The following CLIP1 variants were observed in gnomAD, a reference collection of about 807,000 sequenced individuals.
The protein encoded by CLIP1 is CAP-Gly domain-containing linker protein 1.
CLIP1 carries 66 observed loss-of-function variants against 161.6 expected under a neutral mutation model. That is an observed-to-expected ratio of 0.41 (90% CI 0.33 to 0.50). The LOEUF (loss-of-function observed/expected upper bound fraction) is 0.50. Ranked by LOEUF, CLIP1 falls within the 20% of genes least tolerant of loss-of-function variation. The pLI is 0.27. For synonymous variants in CLIP1, 598 were observed against 626.2 expected (o/e 0.96, Z 0.67); for missense variants, 1,376 against 1,702.0 (o/e 0.81, Z 3.37).
At chr12:122,278,674 C>A in intron 23 of CLIP1, 118 bp downstream of exon 23, 1 of 1,078,736 alleles carries the variant, frequency 9.3e-7, no homozygotes, top group Non-Finnish European at 1.3e-6. Context: ...GGTGGAAGAG[C>A]TAAGGAGAGT....
chr12:122,396,547 A>G (rs959753216), intron 1 of CLIP1: 3 of 152,134 alleles, frequency 2.0e-5, no homozygotes, highest in Non-Finnish European at 4.4e-5. Context: ...GTCTATAGAA[A>G]TTTTATTTAA....
intron 3 of CLIP1, among the ~76,000 whole-genome samples, chr12:122,367,723 G>C (rs1469029816): frequency 6.6e-6 from 1 of 152,080 alleles, no homozygotes; most frequent in Non-Finnish European, 1.5e-5. Context: ...TTTCAATATT[G>C]AAACAAAAAA....
At chr12:122,417,674 G>A (rs1327855373) in intron 1 of CLIP1, among the ~76,000 whole-genome samples, 2 of 151,816 alleles carry the variant, frequency 1.3e-5, no homozygotes, top group East Asian at 3.9e-4. Flanking sequence ...CACCAAGCCT[G>A]GCTAATTTTT....
intron 20 of CLIP1, among the ~76,000 whole-genome samples, chr12:122,305,431 T>C (rs1350788156): frequency 6.6e-6 from 1 of 152,182 alleles, no homozygotes; most frequent in Non-Finnish European, 1.5e-5. Context: ...ACTCTGTCTC[T>C]TAAAAAAGAA....
chr12:122,336,484 AAT>A (rs1952229015), intron 12 of CLIP1, 146 bp downstream of exon 12: 1 of 583,068 alleles, frequency 1.7e-6, no homozygotes, highest in Admixed American at 2.9e-5. Flanking sequence ...CTCAAAGGAC[AAT>A]ATTTATCAGC....
chr12:122,369,796 G>C (rs1259707108), intron 3 of CLIP1, among the ~76,000 whole-genome samples: 1 of 151,570 alleles, frequency 6.6e-6, no homozygotes, highest in Admixed American at 6.6e-5. Flanking sequence ...GTGACCACGA[G>C]GCACCGGGCA....
intron 4 of CLIP1, among the ~76,000 whole-genome samples, chr12:122,363,716 A>G (rs1408227041): frequency 2.0e-5 from 3 of 151,982 alleles, no homozygotes; most frequent in African/African-American, 7.3e-5. Flanking sequence ...AGCCAGACAG[A>G]TAACATGGTA....
chr12:122,396,866 C>T (rs1206862490), intron 1 of CLIP1, among the ~76,000 whole-genome samples: 1 of 151,268 alleles, frequency 6.6e-6, no homozygotes, highest in Non-Finnish European at 1.5e-5. Flanking sequence ...TCCCAGACTC[C>T]AGCCATCCTT....
intron 1 of CLIP1, among the ~76,000 whole-genome samples, chr12:122,420,156 A>G (rs1299590552): frequency 1.3e-5 from 2 of 151,734 alleles, no homozygotes; most frequent in African/African-American, 2.4e-5. Flanking sequence ...TGGCTGGCCA[A>G]CGTGATGAAA....
chr12:122,383,753 T>C (rs1470558149), intron 1 of CLIP1, among the ~76,000 whole-genome samples: 2 of 152,076 alleles, frequency 1.3e-5, no homozygotes, highest in African/African-American at 4.8e-5. Flanking sequence ...ACCCACAACA[T>C]GCAGTGATCA....
At chr12:122,278,663 TG>T in intron 23 of CLIP1, 128 bp downstream of exon 23, 1 of 953,158 alleles carries the variant, frequency 1.0e-6, no homozygotes, top group Non-Finnish European at 1.5e-6. Flanking sequence ...ATTGATTAAG[TG>T]GTGGAAGAGC....
chr12:122,295,536 C>G lies in CLIP1; in HGVS notation c.3595-6995G>C, dbSNP rs530075399. Among the ~76,000 whole-genome samples the G allele has an allele frequency of 2.2e-4, 34 of 152,286 alleles. No individual in the cohort carries two copies. In the South Asian group the frequency reaches 7.0e-3, roughly 32 times the overall value. On this transcript the variant is annotated intron_variant, in intron 20 of 25. Coordinates refer to ENST00000620786, the MANE Select transcript of CLIP1 (RefSeq NM_001247997.2). ...ATCATTTTATGGTCTAACACATAACCTGTCCTGGAGAATGCTCCCTGTGCA... is the reference window on the plus strand; with the variant it reads ...ATCATTTTATGGTCTAACACATAACGTGTCCTGGAGAATGCTCCCTGTGCA...
rs377355291 is a variant in CLIP1, at chr12:122,341,715, A to G, written c.1507-18T>C. 33 of 1,293,586 alleles carry G rather than the reference A, an allele frequency of 2.6e-5. No individual in the cohort carries two copies. Among genetic ancestry groups the G allele is most frequent in the Non-Finnish European group, 3.2e-5 (31 of 966,644 alleles). The allele number at this position is 1,293,586 out of a possible 1,614,324, so 80.1% of individuals were successfully genotyped here. On this transcript the variant is annotated intron_variant, in intron 10 of 25. Transcript: ENST00000620786. ...GTAGCCACCTATTAACAGCAGTCCA[A>G]AGAAAAAAAGATCATTTAAATAACA...
At chr12:122,419,805 G>A (rs957951897) in intron 1 of CLIP1, among the ~76,000 whole-genome samples, 1 of 151,352 alleles carries the variant, frequency 6.6e-6, no homozygotes, top group Non-Finnish European at 1.5e-5. Context: ...GTGCCGTGGT[G>A]TGTGCCTGTA....
At chr12:122,330,300 A>C (rs1951889625) in intron 15 of CLIP1, among the ~76,000 whole-genome samples, 1 of 152,178 alleles carries the variant, frequency 6.6e-6, no homozygotes. Flanking sequence ...CAGCACCTCA[A>C]GGCAAGTTTG....
At position 122,274,096 on chromosome 12, in the gene CLIP1, C is replaced by T. The variant is rs1359242098; in HGVS notation, c.4033G>A (p.Glu1345Lys). The change falls in exon 25 of 26, where the codon GAG becomes AAG. Residue 1345 changes from glutamate to lysine, a missense_variant. Coordinates refer to ENST00000620786, the MANE Select transcript of CLIP1 (RefSeq NM_001247997.2). Reference sequence around the variant, plus strand: ...TTCAGGGCTGCTTCTGACATCATCTCCACCTTCATCTTGAGGTCTTGATTC... The same window carrying T: ...TTCAGGGCTGCTTCTGACATCATCTTCACCTTCATCTTGAGGTCTTGATTC... ...RKNQDLKMKV[E>K]MMSEAALNGN... is the part of the protein sequence containing the mutation. 2 of 1,613,200 alleles carry T rather than the reference C, an allele frequency of 1.2e-6. No homozygotes were observed. The highest frequency in any genetic ancestry group is 1.7e-6 in the Non-Finnish European group (2 of 1,179,344).
intron 12 of CLIP1, among the ~76,000 whole-genome samples, chr12:122,336,193 A>T (rs1297782448): frequency 1.3e-5 from 2 of 152,226 alleles, no homozygotes; most frequent in Non-Finnish European, 2.9e-5. Context: ...ATTTAATTAG[A>T]CAGCAAGCAT....
intron 24 of CLIP1, 196 bp downstream of exon 24, chr12:122,277,958 A>G (rs558765706): frequency 4.9e-6 from 3 of 607,846 alleles, no homozygotes; most frequent in East Asian, 2.8e-5. Context: ...AACTGAGCAG[A>G]AGAGAGAGAA....
intron 1 of CLIP1, among the ~76,000 whole-genome samples, chr12:122,397,285 G>A (rs1476066322): frequency 6.7e-6 from 1 of 149,760 alleles, no homozygotes; most frequent in Non-Finnish European, 1.5e-5. Context: ...TCGAAAGCAT[G>A]TACTGAAGAC....
Sources: gnomAD v4.1 joint callset for allele counts (sites outside exome capture counted in the v4.1 genomes callset) on GRCh38, gnomAD v4.1.1 for gene constraint, MANE v1.5 for transcripts, NCBI Gene and HGNC (gene_info 2026-07-23, HGNC 2026-07-21) for gene names.